Variants in ANK2 observed in about 807,000 individuals in gnomAD.
ANK2 encodes the protein ankyrin 2.
Under a neutral mutation model 360.5 loss-of-function variants are expected in ANK2, and 83 were observed. The observed-to-expected ratio is 0.23, with a 90% CI of 0.19 to 0.28. The LOEUF (loss-of-function observed/expected upper bound fraction) is 0.28. Ranked by LOEUF, ANK2 falls within the 10% of genes least tolerant of loss-of-function variation. The pLI is 1.00. For synonymous variants in ANK2, 1,740 were observed against 1,759.5 expected (o/e 0.99, Z 0.28); for missense variants, 4,201 against 4,795.7 (o/e 0.88, Z 3.66).
In ANK2 at chr4:113,355,980, T is replaced by C; in HGVS notation, c.7362T>C (p.Ser2454=). 1 of 1,614,062 alleles carries C rather than the reference T, an allele frequency of 6.2e-7. No individual in the cohort carries two copies. The highest frequency in any genetic ancestry group is 1.1e-5 in the South Asian group (1 of 91,062). The change falls in exon 38 of 46, where the codon TCT becomes TCC. Residue 2454 remains serine (S), a synonymous_variant. Transcript: ENST00000357077. ...ACTCTTCACACAAAACCCCTGATTC[T>C]CTGGAGCCAAGTCCTCTGAAAGAAT... is the stretch of plus-strand genomic sequence containing the variant. The part of the protein sequence containing the change: ...EDNSSHKTPD[S]LEPSPLKESP...
chr4:113,139,185 C>G (rs991475378), intron 1 of ANK2, among the ~76,000 whole-genome samples: 2 of 152,194 alleles, frequency 1.3e-5, no homozygotes, highest in African/African-American at 4.8e-5. Context: ...AGCTTTCTCT[C>G]CAGCCTACCA....
At chr4:112,761,972 G>A in the ANK2 span, among the ~76,000 whole-genome samples, 1 of 152,346 alleles carries the variant, frequency 6.6e-6, no homozygotes, top group South Asian at 2.1e-4. Context: ...GAAGCACAGA[G>A]GAAGGAATAA....
intron 26 of ANK2, among the ~76,000 whole-genome samples, chr4:113,326,087 C>A (rs1207817421): frequency 6.6e-6 from 1 of 152,200 alleles, no homozygotes; most frequent in Admixed American, 6.5e-5. Flanking sequence ...CGACTCACAC[C>A]TTCTAACCTT....
intron 1 of ANK2, 123 bp downstream of exon 1, chr4:113,049,935 T>A: frequency 8.1e-7 from 1 of 1,230,472 alleles, no homozygotes. Flanking sequence ...ACGATAACAG[T>A]GCCAAGCCTT....
the ANK2 span, among the ~76,000 whole-genome samples, chr4:112,805,532 G>A: frequency 6.6e-6 from 1 of 151,322 alleles, no homozygotes; most frequent in Non-Finnish European, 1.5e-5. Flanking sequence ...CTGGGGTGGT[G>A]TAAAACAAGG....
At chr4:113,304,248 T>C (rs2076244539) in intron 23 of ANK2, among the ~76,000 whole-genome samples, 1 of 152,216 alleles carries the variant, frequency 6.6e-6, no homozygotes, top group Admixed American at 6.5e-5. Flanking sequence ...GGTGACCACT[T>C]TATTGATGGG....
intron 14 of ANK2, among the ~76,000 whole-genome samples, chr4:113,274,130 T>G (rs1249810158): frequency 6.6e-6 from 1 of 152,194 alleles, no homozygotes; most frequent in African/African-American, 2.4e-5. Flanking sequence ...GACTAGATTT[T>G]ATTCTTATTC....
intron 1 of ANK2, among the ~76,000 whole-genome samples, chr4:112,850,000 C>T (rs1016269425): frequency 7.9e-5 from 12 of 152,156 alleles, no homozygotes; most frequent in African/African-American, 2.9e-4. Context: ...GCTGGGACAT[C>T]TATCTTCTCC....
At chr4:113,237,750 C>T (rs2099394785) in intron 7 of ANK2, 128 bp downstream of exon 7, 3 of 885,000 alleles carry the variant, frequency 3.4e-6, no homozygotes, top group Non-Finnish European at 5.6e-6. Flanking sequence ...ATTTGAAAAC[C>T]TTCCCCATAA....
chr4:113,264,326 C>T (rs2054688941), intron 13 of ANK2, among the ~76,000 whole-genome samples: 1 of 152,160 alleles, frequency 6.6e-6, no homozygotes, highest in South Asian at 2.1e-4. Context: ...TAGTTTCTCA[C>T]TGAAATAGAT....
chr4:112,788,664 T>G, the ANK2 span: 3 of 1,601,042 alleles, frequency 1.9e-6, no homozygotes, highest in Non-Finnish European at 2.5e-6. Flanking sequence ...TTTCAGCCGC[T>G]TATAGAGGAT....
intron 2 of ANK2, among the ~76,000 whole-genome samples, chr4:113,004,261 C>G (rs1242364013): frequency 1.3e-5 from 2 of 152,066 alleles, no homozygotes; most frequent in Non-Finnish European, 2.9e-5. Flanking sequence ...CTTTTAGACT[C>G]TTTTATAATA....
At chr4:112,744,684 T>C in the ANK2 span, among the ~76,000 whole-genome samples, 2 of 152,202 alleles carry the variant, frequency 1.3e-5, no homozygotes, top group Admixed American at 6.5e-5. Context: ...TTCTGGATCA[T>C]ACTAGAGCAT....
At chr4:112,991,358 G>A (rs551559170) in intron 2 of ANK2, among the ~76,000 whole-genome samples, 1 of 152,128 alleles carries the variant, frequency 6.6e-6, no homozygotes, top group East Asian at 1.9e-4. Context: ...AAAAGCTTGG[G>A]GTATCATATT....
At chr4:113,058,200 G>A (rs192818624) in intron 1 of ANK2, among the ~76,000 whole-genome samples, 37 of 152,180 alleles carry the variant, frequency 2.4e-4, no homozygotes, top group Admixed American at 1.7e-3. Flanking sequence ...AACACACATA[G>A]TTAAAGGAAT....
At chr4:113,140,754 G>T (rs112992945) in intron 1 of ANK2, among the ~76,000 whole-genome samples, 15,766 of 152,102 alleles carry the variant, frequency 0.1, 1,008 homozygotes, top group Non-Finnish European at 0.15. Flanking sequence ...CGAGGCAGGT[G>T]TATCACTTGA....
chr4:112,904,644 A>G (rs1279094608), intron 2 of ANK2: 2 of 642,066 alleles, frequency 3.1e-6, no homozygotes, highest in Non-Finnish European at 5.1e-6. Flanking sequence ...TATAGCATTA[A>G]CAATTTTTTA....
the ANK2 span, among the ~76,000 whole-genome samples, chr4:112,800,511 C>A: frequency 6.6e-6 from 1 of 152,156 alleles, no homozygotes; most frequent in Non-Finnish European, 1.5e-5. Flanking sequence ...GTAAGGTATT[C>A]ATTGCATGTA....
At chr4:113,240,944 A>C (rs890888413) in intron 8 of ANK2, among the ~76,000 whole-genome samples, 4 of 152,218 alleles carry the variant, frequency 2.6e-5, no homozygotes, top group African/African-American at 4.8e-5. Flanking sequence ...AGCATGTCTT[A>C]TGATGACTGT....
Sources: allele counts gnomAD v4.1 joint callset (sites outside exome capture counted in the v4.1 genomes callset), GRCh38; gene constraint gnomAD v4.1.1; transcripts MANE v1.5; gene names NCBI Gene and HGNC (gene_info 2026-07-23, HGNC 2026-07-21).